The following WLS variants were observed in gnomAD, a reference collection of about 807,000 sequenced individuals.
The protein encoded by WLS is Wnt ligand secretion mediator.
A neutral mutation model predicts 62.8 loss-of-function variants in WLS; 23 were observed. The observed-to-expected ratio is 0.37, with a 90% CI of 0.26 to 0.52. The LOEUF (loss-of-function observed/expected upper bound fraction) is 0.52. Among genes scored for constraint, WLS ranks in the 20% least tolerant of loss-of-function variants. WLS has a pLI of 0.92. For synonymous variants in WLS, 246 were observed against 244.1 expected (o/e 1.01, Z -0.07); for missense variants, 615 against 697.3 (o/e 0.88, Z 1.33).
intron 2 of WLS, among the ~76,000 whole-genome samples, chr1:68,160,349 A>G (rs112069937): frequency 2.0e-5 from 3 of 152,082 alleles, no homozygotes; most frequent in Non-Finnish European, 2.9e-5. Flanking sequence ...CACCATTACA[A>G]CTTAAGGACG....
chr1:68,230,586 C>CGT lies in WLS; in HGVS notation c.106+1607_106+1608insAC, dbSNP rs1394504243. On this transcript the variant is annotated intron_variant, in intron 1 of 11. Coordinates refer to ENST00000262348, the MANE Select transcript of WLS (RefSeq NM_024911.7). ...AAGCCAACCCGTGTGTGTGTGTGCG[C>CGT]GCGTGTGTGTGTGTGTGTGTGTGTG... is the stretch of plus-strand genomic sequence containing the variant. Among the ~76,000 whole-genome samples the CGT allele has an allele frequency of 1.3e-4, 18 of 137,116 alleles. No individual in the cohort carries two copies. In the East Asian group the frequency reaches 1.6e-3, roughly 12 times the overall value. The allele number at this position is 137,116 out of a possible 152,430, so 90.0% of individuals were successfully genotyped here.
chr1:68,183,849 T>G (rs1447489692), intron 2 of WLS, among the ~76,000 whole-genome samples: 1 of 152,074 alleles, frequency 6.6e-6, no homozygotes, highest in Non-Finnish European at 1.5e-5. Flanking sequence ...AACTAGAAAT[T>G]TGTTATACAG....
Position 68,162,636 on chromosome 1 carries a change from C to T in WLS, c.380-3389G>A, listed in dbSNP as rs759254579. On this transcript the variant is annotated intron_variant, in intron 2 of 11. Coordinates refer to ENST00000262348, the MANE Select transcript of WLS (RefSeq NM_024911.7). ...GTGTGCCTTACCGCAGTGCTTGGTA[C>T]AGCCATGTGTTCCTCTGGTACAGAT... 626 of 1,254,444 alleles carry T rather than the reference C, an allele frequency of 5.0e-4. 1 individual carries two copies. Among genetic ancestry groups the T allele is most frequent in the Non-Finnish European group, 6.9e-4 (595 of 860,210 alleles). 77.7% of individuals were successfully genotyped at this position (1,254,444 alleles called of 1,614,324 possible). A position where few individuals can be genotyped will look rare whatever the true frequency, so the allele number is the denominator to read the frequency against.
At chr1:68,161,700 T>G (rs1646976195) in intron 2 of WLS, 1 of 1,283,646 alleles carries the variant, frequency 7.8e-7, no homozygotes, top group Admixed American at 1.8e-5. Flanking sequence ...TCATCATTTT[T>G]CACTATCTCT....
intron 11 of WLS, among the ~76,000 whole-genome samples, chr1:68,127,785 C>G (rs1006861882): frequency 6.6e-6 from 1 of 152,176 alleles, no homozygotes; most frequent in Non-Finnish European, 1.5e-5. Context: ...AGCCTTGGCC[C>G]TACCCTTAGG....
intron 2 of WLS, among the ~76,000 whole-genome samples, chr1:68,188,983 G>T (rs1648134110): frequency 6.6e-6 from 1 of 152,226 alleles, no homozygotes. Flanking sequence ...AGTGGTTTCA[G>T]TTAGCAGAGG....
chr1:68,230,969 C>T (rs1040774870), intron 1 of WLS, among the ~76,000 whole-genome samples: 7 of 152,288 alleles, frequency 4.6e-5, no homozygotes, highest in African/African-American at 1.7e-4. Flanking sequence ...CACCCCACAT[C>T]GCGTGGGCGC....
chr1:68,193,904 A>G (rs1648507908), intron 2 of WLS, 51 bp downstream of exon 2: 3 of 1,568,952 alleles, frequency 1.9e-6, no homozygotes. Context: ...AAGAACCCAA[A>G]GAGGGCAATG....
At chr1:68,161,827 T>C in intron 2 of WLS, 1 of 1,605,160 alleles carries the variant, frequency 6.2e-7, no homozygotes, top group Non-Finnish European at 8.5e-7. Flanking sequence ...CTGGGAAGGA[T>C]GTGCCACTGT....
At chr1:68,138,115 G>A (rs1479717228) in intron 10 of WLS, 182 bp from the exon 11 acceptor site, 1 of 710,200 alleles carries the variant, frequency 1.4e-6, no homozygotes, top group African/African-American at 1.8e-5. Context: ...GTCAACTGAA[G>A]GTTCTCTAGC....
downstream of WLS, among the ~76,000 whole-genome samples, chr1:68,123,595 T>C (rs1017339857): frequency 2.0e-5 from 3 of 152,114 alleles, no homozygotes; most frequent in Admixed American, 6.5e-5. Context: ...AAACTCATCA[T>C]CTTGCCCACT....
rs1188749508 is a variant in WLS at position 68,228,311 on chromosome 1, C to T, written c.106+3883G>A. On this transcript the variant is annotated intron_variant, in intron 1 of 11. Coordinates refer to ENST00000262348, the MANE Select transcript of WLS (RefSeq NM_024911.7). The stretch of plus-strand genomic sequence containing the variant: ...CCAGTTCTGATCTTCATACTCTTAG[C>T]AGTTTTAGAAGAGCTGAGAACAGTG... 7 of 418,896 alleles carry T rather than the reference C, an allele frequency of 1.7e-5. No individual in the cohort carries two copies. In the East Asian group the frequency reaches 4.5e-4, roughly 27 times the overall value. 25.9% of individuals were successfully genotyped at this position (418,896 alleles called of 1,614,324 possible). A position where few individuals can be genotyped will look rare whatever the true frequency, so the allele number is the denominator to read the frequency against.
chr1:68,203,031 AC>A (rs1341374245), intron 1 of WLS: 3 of 152,228 alleles, frequency 2.0e-5, no homozygotes, highest in Non-Finnish European at 4.4e-5. Flanking sequence ...ATTACACTCT[AC>A]AAGTTTCCAA....
intron 2 of WLS, among the ~76,000 whole-genome samples, chr1:68,184,390 A>G (rs1488063401): frequency 6.6e-6 from 1 of 152,206 alleles, no homozygotes; most frequent in Non-Finnish European, 1.5e-5. Flanking sequence ...GCATAGAGTG[A>G]CTTTTTAAAA....
chr1:68,174,331 G>C (rs146531361), intron 2 of WLS, among the ~76,000 whole-genome samples: 1 of 152,122 alleles, frequency 6.6e-6, no homozygotes. Context: ...TGTTTCATAC[G>C]GCTTATGTGG....
At chr1:68,098,713 C>G (rs1316639093) in exon 12 of WLS, 15 of 1,613,730 alleles carry the variant, frequency 9.3e-6, no homozygotes, top group East Asian at 2.2e-5. Context: ...CCGAAACAAA[C>G]AAAGCACAAT....
At position 68,128,977 on chromosome 1, in the gene WLS, C is replaced by T. The variant is rs552403344; in HGVS notation, c.1517-2642G>A. Among the ~76,000 whole-genome samples the T allele has an allele frequency of 1.3e-3, 205 of 152,198 alleles. 1 individual carries two copies. The highest frequency in any genetic ancestry group is 4.7e-3 in the African/African-American group (194 of 41,536). On this transcript the variant is annotated intron_variant, in intron 11 of 11. Transcript: ENST00000262348. Reference sequence around the variant, plus strand: ...CTTAAATATTCAAGTTTCCAGCAGCCAGTGAGACTGCCAGTGAGGTATGAA... The same window carrying T: ...CTTAAATATTCAAGTTTCCAGCAGCTAGTGAGACTGCCAGTGAGGTATGAA...
chr1:68,192,842 C>T (rs993313288), intron 2 of WLS, among the ~76,000 whole-genome samples: 3 of 149,464 alleles, frequency 2.0e-5, no homozygotes, highest in Non-Finnish European at 1.5e-5. Flanking sequence ...CACCTGTAAT[C>T]CCAGCACTTT....
chr1:68,193,398 TAAAAAAAAAAAAAAAAAAAAAAA>T (rs904327955), intron 2 of WLS, among the ~76,000 whole-genome samples: 6 of 15,416 alleles, frequency 3.9e-4, no homozygotes, highest in Non-Finnish European at 4.7e-4. Flanking sequence ...GCAAATAAGC[TAAAAAAAAAAAAAAAAAAAAAAA>T]AAAAAAAAAA....
Sources: gnomAD v4.1 joint callset for allele counts (sites outside exome capture counted in the v4.1 genomes callset) on GRCh38, gnomAD v4.1.1 for gene constraint, MANE v1.5 for transcripts, NCBI Gene and HGNC (gene_info 2026-07-23, HGNC 2026-07-21) for gene names.